The following TRIM71 variants were observed in gnomAD, a reference collection of about 807,000 sequenced individuals.
The protein encoded by TRIM71 is E3 ubiquitin-protein ligase TRIM71.
TRIM71 carries 9 observed loss-of-function variants against 61.2 expected under a neutral mutation model. The observed-to-expected ratio is 0.15, with a 90% CI of 0.09 to 0.26. TRIM71 has a LOEUF of 0.26. Among genes scored for constraint, TRIM71 ranks in the 10% least tolerant of loss-of-function variants. The pLI is 1.00. For synonymous variants in TRIM71, 645 were observed against 553.2 expected (o/e 1.17, Z -2.33); for missense variants, 998 against 1,238.7 (o/e 0.81, Z 2.92).
chr3:32,862,868 G>A (rs1459016407), intron 1 of TRIM71, among the ~76,000 whole-genome samples: 1 of 152,132 alleles, frequency 6.6e-6, no homozygotes, highest in East Asian at 1.9e-4. Context: ...GCTGTAAATC[G>A]GGACTCAGGG....
In TRIM71 at chr3:32,866,163, G is replaced by GTT. The variant is rs61702225; in HGVS notation, c.853-7646_853-7645dup. On this transcript the variant is annotated intron_variant, in intron 1 of 3. Coordinates refer to ENST00000383763, the MANE Select transcript of TRIM71 (RefSeq NM_001039111.3). Reference sequence around the variant, plus strand: ...AAAACATGATGCTTCCAGGATTTTTGTTTTTTTTTTGGAGATGGATTACAG... The same window carrying GTT: ...AAAACATGATGCTTCCAGGATTTTTGTTTTTTTTTTTTGGAGATGGATTACAG... Among the ~76,000 whole-genome samples the GTT allele has an allele frequency of 5.7e-4, 83 of 146,590 alleles. No individual in the cohort carries two copies. In the South Asian group the frequency reaches 5.9e-3, roughly 10 times the overall value.
intron 1 of TRIM71, among the ~76,000 whole-genome samples, chr3:32,829,137 G>A (rs995395714): frequency 6.6e-6 from 1 of 151,690 alleles, no homozygotes; most frequent in Admixed American, 6.6e-5. Flanking sequence ...GGGAGTACAG[G>A]AGTGCACCGC....
chr3:32,851,881 TGAAGAGTATCAAAA>T (rs1414167237), intron 1 of TRIM71, among the ~76,000 whole-genome samples: 2 of 152,296 alleles, frequency 1.3e-5, no homozygotes, highest in East Asian at 3.9e-4. Flanking sequence ...AAAACAGGTC[TGAAGAGTATCAAAA>T]TTGCAAAAGA....
At position 32,856,069 on chromosome 3, in the gene TRIM71, G is replaced by GT. The variant is rs1333221092; in HGVS notation, c.853-17748dup. On this transcript the variant is annotated intron_variant, in intron 1 of 3. Transcript: ENST00000383763. ...GTCTCGCTCTGTCACTCAGGCTGGA[G>GT]TGCAGTGGCGCAATCTGGGCTCACT... Among the ~76,000 whole-genome samples the GT allele has an allele frequency of 2.0e-5, 3 of 152,134 alleles. No homozygotes were observed. In the East Asian group the frequency reaches 5.8e-4, roughly 29 times the overall value.
intron 1 of TRIM71, among the ~76,000 whole-genome samples, chr3:32,871,912 G>T (rs1478016032): frequency 6.6e-6 from 1 of 152,236 alleles, no homozygotes; most frequent in African/African-American, 2.4e-5. Flanking sequence ...GGGAGGCCAA[G>T]GTGGGTGGAT....
chr3:32,845,708 A>G (rs547415319), intron 1 of TRIM71, among the ~76,000 whole-genome samples: 1 of 100,834 alleles, frequency 9.9e-6, no homozygotes, highest in Non-Finnish European at 2.0e-5. Context: ...GACCTAGGCC[A>G]AGTTTGGATC....
Position 32,895,628 on chromosome 3 carries a change from G to T in TRIM71, c.*3817G>T, listed in dbSNP as rs1310703576. The T allele has an allele frequency of 6.6e-6, 1 of 152,066 alleles. No individual in the cohort carries two copies. The highest frequency in any genetic ancestry group is 6.5e-5 in the Admixed American group (1 of 15,272). 9.4% of individuals were successfully genotyped at this position (152,066 alleles called of 1,614,324 possible). ...AAAAAGTATTTAGGGTATGTTTAAG[G>T]TATATTTAAAACATCACTCTGAATG... On this transcript the variant is annotated 3_prime_UTR_variant, in exon 4 of 4. Coordinates refer to ENST00000383763, the MANE Select transcript of TRIM71 (RefSeq NM_001039111.3).
At chr3:32,845,756 G>A (rs1387738386) in intron 1 of TRIM71, among the ~76,000 whole-genome samples, 1 of 151,818 alleles carries the variant, frequency 6.6e-6, no homozygotes, top group Non-Finnish European at 1.5e-5. Context: ...CTGTCACCCA[G>A]GCTGGAGTGC....
Position 32,890,478 on chromosome 3 carries a change from G to A in TRIM71, c.1274G>A (p.Gly425Asp). ...ISAVQQVLEE[G>D]RALDILLARD... Reference sequence around the variant, plus strand: ...GCCGTGCAGCAGGTCCTGGAGGAGGGTAGAGCGCTAGACATCCTACTGGCC... The same window carrying A: ...GCCGTGCAGCAGGTCCTGGAGGAGGATAGAGCGCTAGACATCCTACTGGCC... Residue 425 changes from glycine (G) to aspartate (D), a missense_variant, in exon 4 of 4, where the codon GGT becomes GAT. Around this residue, in one of 5 missense-constraint regions of TRIM71, gnomAD observed 291 missense variants for 431.2 expected, o/e 0.67. Transcript: ENST00000383763. This position sits in a 1 kb window ranked among gnomAD's most constrained non-coding sequence, Gnocchi z 6.2. 2 of 1,614,226 alleles carry A rather than the reference G, an allele frequency of 1.2e-6. No individual in the cohort carries two copies. Among genetic ancestry groups the A allele is most frequent in the Non-Finnish European group, 1.7e-6 (2 of 1,180,050 alleles).
chr3:32,887,481 C>CTTTT (rs10615630), intron 3 of TRIM71, among the ~76,000 whole-genome samples: 7 of 110,004 alleles, frequency 6.4e-5, no homozygotes, highest in East Asian at 2.8e-4. Context: ...TAATTACTGA[C>CTTTT]TTTTTTTTTT....
intron 1 of TRIM71, among the ~76,000 whole-genome samples, chr3:32,857,072 T>G (rs1187100728): frequency 6.6e-6 from 1 of 152,200 alleles, no homozygotes; most frequent in Non-Finnish European, 1.5e-5. Flanking sequence ...CTGGCCTCCT[T>G]CCACGTGGCT....
At position 32,818,147 on chromosome 3, in the gene TRIM71, G is replaced by A; in HGVS notation, c.67G>A (p.Ala23Thr). ...GTGCAAGGAGATGTGCGGCTCGCCG[G>A]CGCCGCTCTCCTCCAACTCGTCCGC... ...LLCKEMCGSP[A>T]PLSSNSSASS... Residue 23 changes from alanine to threonine, a missense_variant, in exon 1 of 4, where the codon GCG (alanine) becomes ACG (threonine). Ala to Thr is a moderately conservative substitution (Grantham distance 58). Transcript: ENST00000383763. 2 of 1,610,714 alleles carry A rather than the reference G, an allele frequency of 1.2e-6. No individual in the cohort carries two copies. The highest frequency in any genetic ancestry group is 2.3e-5 in the East Asian group (1 of 44,388).
At chr3:32,822,223 C>G (rs1302486000) in intron 1 of TRIM71, among the ~76,000 whole-genome samples, 2 of 152,062 alleles carry the variant, frequency 1.3e-5, no homozygotes, top group Non-Finnish European at 2.9e-5. Context: ...TTGTTGCCAC[C>G]TGGAAAACAT....
rs774347959 is a variant in TRIM71, at chr3:32,896,149, T to G, written c.*4338T>G. ...GAGGACTTAACTACAAATAAAGACC[T>G]TTAGGTCTCTTTCTCTTCAAGAGAA... is the stretch of plus-strand genomic sequence containing the variant. On this transcript the variant is annotated 3_prime_UTR_variant, in exon 4 of 4. Coordinates refer to ENST00000383763, the MANE Select transcript of TRIM71 (RefSeq NM_001039111.3). The G allele has an allele frequency of 6.6e-6, 1 of 152,220 alleles. No individual in the cohort carries two copies. Among genetic ancestry groups the G allele is most frequent in the Non-Finnish European group, 1.5e-5 (1 of 68,036 alleles). 9.4% of individuals were successfully genotyped at this position (152,220 alleles called of 1,614,324 possible).
intron 1 of TRIM71, among the ~76,000 whole-genome samples, chr3:32,825,647 C>G (rs998558839): frequency 9.2e-5 from 14 of 152,180 alleles, no homozygotes; most frequent in Non-Finnish European, 1.5e-4. Flanking sequence ...GGTTAAAGGC[C>G]TGGCTCACTA....
intron 1 of TRIM71, among the ~76,000 whole-genome samples, chr3:32,827,290 G>T (rs1409570584): frequency 3.0e-5 from 3 of 99,596 alleles, no homozygotes; most frequent in African/African-American, 1.0e-4. Context: ...TTTGGGTGGA[G>T]TCTCACTCTG....
rs763860182 is a variant in TRIM71, at chr3:32,893,809, C to G, written c.*1998C>G. 2.0e-5 allele frequency: 3 copies of G among 152,070 alleles called. No homozygotes were observed. The highest frequency in any genetic ancestry group is 6.6e-5 in the Admixed American group (1 of 15,264). The allele number at this position is 152,070 out of a possible 1,614,324, so 9.4% of individuals were successfully genotyped here. ...TTACTACTACTACAAGCTACTCTGTCTCTTCCCATTGCTTTAATTCTAGGG... is the reference window on the plus strand; with the variant it reads ...TTACTACTACTACAAGCTACTCTGTGTCTTCCCATTGCTTTAATTCTAGGG... On this transcript the variant is annotated 3_prime_UTR_variant, in exon 4 of 4. Transcript: ENST00000383763.
At chr3:32,865,930 G>A (rs1008764896) in intron 1 of TRIM71, among the ~76,000 whole-genome samples, 1 of 144,962 alleles carries the variant, frequency 6.9e-6, no homozygotes, top group East Asian at 2.1e-4. Context: ...GGGCTCAAGC[G>A]ATTCTCCTGC....
chr3:32,855,615 G>A (rs1465281213), intron 1 of TRIM71, among the ~76,000 whole-genome samples: 1 of 152,188 alleles, frequency 6.6e-6, no homozygotes, highest in Admixed American at 6.5e-5. Context: ...AAGTATCTGG[G>A]AGAAGCAGTG....
Sources: gnomAD v4.1 joint callset for allele counts (sites outside exome capture counted in the v4.1 genomes callset) on GRCh38, gnomAD v4.1.1 for gene constraint, gnomAD v4.1.1 regional missense constraint, Gnocchi (gnomAD v3.1) non-coding constraint, MANE v1.5 for transcripts, NCBI Gene and HGNC (gene_info 2026-07-23, HGNC 2026-07-21) for gene names.